Variants in IL7 observed in about 807,000 individuals in gnomAD.
The protein encoded by IL7 is interleukin 7, also known as interleukin-7.
Under a neutral mutation model 21.6 loss-of-function variants are expected in IL7, and 3 were observed. The observed-to-expected ratio is 0.14, with a 90% CI of 0.06 to 0.36. IL7 has a LOEUF of 0.36. Among genes scored for constraint, IL7 ranks in the 10% least tolerant of loss-of-function variants. IL7 has a pLI of 1.00. For synonymous variants in IL7, 62 were observed against 68.1 expected (o/e 0.91, Z 0.44); for missense variants, 175 against 200.2 (o/e 0.87, Z 0.76).
chr8:78,796,746 T>C (rs1813866044), intron 2 of IL7, among the ~76,000 whole-genome samples: 1 of 151,986 alleles, frequency 6.6e-6, no homozygotes, highest in Non-Finnish European at 1.5e-5. Flanking sequence ...TCTGCAAAAC[T>C]GATAATACCA....
chr8:78,686,355 C>A, intron 3 of IL7: 1 of 914,744 alleles, frequency 1.1e-6, no homozygotes, highest in Non-Finnish European at 1.5e-6. Flanking sequence ...CATTTAAGGA[C>A]TCCTGATAAG....
chr8:78,680,644 G>A (rs1483952750), intron 4 of IL7, among the ~76,000 whole-genome samples: 1 of 152,198 alleles, frequency 6.6e-6, no homozygotes, highest in South Asian at 2.1e-4. Flanking sequence ...AAAACAAAAG[G>A]TAGGCATAAT....
chr8:78,677,933 G>A (rs1398960164), intron 4 of IL7, among the ~76,000 whole-genome samples: 3 of 152,140 alleles, frequency 2.0e-5, no homozygotes, highest in Non-Finnish European at 1.5e-5. Context: ...TGCTAAACAA[G>A]GGGTGGATTA....
In IL7 at chr8:78,686,519, T is replaced by C. The variant is rs1235994926; in HGVS notation, n.215-572A>G. The C allele has an allele frequency of 3.2e-6, 5 of 1,551,694 alleles. No individual in the cohort carries two copies. In the African/African-American group the frequency reaches 6.9e-5, roughly 22 times the overall value. On this transcript the variant is annotated intron_variant and non_coding_transcript_variant, in intron 3 of 4. Coordinates refer to the IL7 transcript ENST00000523959. ...TGGAGAAGGAAACATGAAGAATTCATTGCTACCATAAGAGCAGCTAAAGGC... is the reference window on the plus strand; with the variant it reads ...TGGAGAAGGAAACATGAAGAATTCACTGCTACCATAAGAGCAGCTAAAGGC...
At chr8:78,735,276 C>CTTTTTT in intron 5 of IL7, among the ~76,000 whole-genome samples, 669 of 77,564 alleles carry the variant, frequency 8.6e-3, no homozygotes, top group East Asian at 0.023. Flanking sequence ...CTTTTCTTTT[C>CTTTTTT]TTTTTTTTTT....
chr8:78,689,355 A>C, intron 3 of IL7: 2 of 1,593,308 alleles, frequency 1.3e-6, no homozygotes, highest in Middle Eastern at 1.7e-4. Context: ...AAGGAAAACC[A>C]ACTTCTCGGA....
chr8:78,767,185 G>T (rs1365385390), intron 2 of IL7, among the ~76,000 whole-genome samples: 1 of 151,166 alleles, frequency 6.6e-6, no homozygotes, highest in Non-Finnish European at 1.5e-5. Context: ...TTTACTTTAG[G>T]TTTATCTCTT....
Position 78,805,127 on chromosome 8 carries a change from T to A in IL7, c.-205A>T, listed in dbSNP as rs550045878. 1.3e-5 allele frequency: 7 copies of A among 552,308 alleles called. No homozygotes were observed. The South Asian group carries it at 1.7e-4, about 13-fold the overall frequency. 34.2% of individuals were successfully genotyped at this position (552,308 alleles called of 1,614,324 possible). ...AAGGGGGGCGGCACACACTACGGCG[T>A]GGCTCTGCGCTTTGCCTTTTCCATA... On this transcript the variant is annotated 5_prime_UTR_variant, in exon 1 of 6. Transcript: ENST00000263851.
At chr8:78,798,396 T>C (rs983249991) in intron 1 of IL7, among the ~76,000 whole-genome samples, 188 bp from the exon 2 acceptor site, 1 of 152,066 alleles carries the variant, frequency 6.6e-6, no homozygotes, top group Non-Finnish European at 1.5e-5. Flanking sequence ...TTTTGGAGTA[T>C]AGCGTCCTTT....
chr8:78,740,110 G>C, intron 2 of IL7, 28 bp from the exon 3 acceptor site: 1 of 1,286,814 alleles, frequency 7.8e-7, no homozygotes, highest in Non-Finnish European at 1.0e-6. Context: ...AAATAATATG[G>C]TTAAAACTGA....
At chr8:78,804,840 G>C in intron 1 of IL7, 73 bp downstream of exon 1, 7 of 1,579,050 alleles carry the variant, frequency 4.4e-6, no homozygotes, top group South Asian at 1.1e-5. Flanking sequence ...AGGAGCAGGG[G>C]CCCCCAGCGC....
intron 2 of IL7, among the ~76,000 whole-genome samples, chr8:78,763,818 A>G (rs1812659888): frequency 6.6e-6 from 1 of 152,176 alleles, no homozygotes; most frequent in Non-Finnish European, 1.5e-5. Flanking sequence ...ATACTTCTCA[A>G]CTCATTCTAT....
intron 3 of IL7, among the ~76,000 whole-genome samples, chr8:78,724,482 G>T (rs1811306741): frequency 6.6e-6 from 1 of 151,354 alleles, no homozygotes. Flanking sequence ...GAACTAGAAA[G>T]TTTTAAAAAT....
intron 3 of IL7, among the ~76,000 whole-genome samples, chr8:78,703,771 C>G (rs542471700): frequency 6.6e-6 from 1 of 152,144 alleles, no homozygotes; most frequent in African/African-American, 2.4e-5. Context: ...GGTCATTTAG[C>G]CCATTTACAT....
chr8:78,770,203 T>C (rs748713891), intron 2 of IL7, among the ~76,000 whole-genome samples: 28 of 152,058 alleles, frequency 1.8e-4, no homozygotes, highest in Admixed American at 1.2e-3. Context: ...AGGTTTTTAT[T>C]GAATAAAGAA....
chr8:78,785,273 T>A (rs1470189672), intron 2 of IL7, among the ~76,000 whole-genome samples: 1 of 152,214 alleles, frequency 6.6e-6, no homozygotes, highest in East Asian at 1.9e-4. Context: ...GGTTGTTTTA[T>A]TCTTCCATTC....
intron 2 of IL7, among the ~76,000 whole-genome samples, chr8:78,753,341 G>T (rs1812239526): frequency 6.6e-6 from 1 of 152,156 alleles, no homozygotes; most frequent in African/African-American, 2.4e-5. Flanking sequence ...CAGTGATGAT[G>T]AACTTTTTTT....
At chr8:78,689,374 G>A (rs1347835022) in intron 3 of IL7, 3 of 1,572,116 alleles carry the variant, frequency 1.9e-6, no homozygotes, top group Non-Finnish European at 2.6e-6. Context: ...GACACAGGTG[G>A]TAAGTTCAGT....
downstream of IL7, chr8:78,715,141 T>C (rs551627177): frequency 8.1e-7 from 1 of 1,227,874 alleles, no homozygotes; most frequent in East Asian, 2.4e-5. Flanking sequence ...AAGTATTCTT[T>C]CTAGTCATGT....
Sources: gnomAD v4.1 joint callset for allele counts (sites outside exome capture counted in the v4.1 genomes callset) on GRCh38, gnomAD v4.1.1 for gene constraint, MANE v1.5 for transcripts, NCBI Gene and HGNC (gene_info 2026-07-23, HGNC 2026-07-21) for gene names.